ESR1: variants seen among roughly 807,000 people sequenced by gnomAD.
ESR1 encodes estrogen receptor.
A neutral mutation model predicts 52.7 loss-of-function variants in ESR1; 12 were observed. That is an observed-to-expected ratio of 0.23 (90% CI 0.15 to 0.37). ESR1 has a LOEUF of 0.37. Ranked by LOEUF, ESR1 falls within the 10% of genes least tolerant of loss-of-function variation. The pLI is 1.00. For synonymous variants in ESR1, 305 were observed against 316.8 expected (o/e 0.96, Z 0.39); for missense variants, 584 against 779.7 (o/e 0.75, Z 2.99).
intron 2 of ESR1, among the ~76,000 whole-genome samples, chr6:151,863,576 A>T (rs1054248762): frequency 6.6e-6 from 1 of 152,176 alleles, no homozygotes; most frequent in African/African-American, 2.4e-5. Context: ...ATATACAATC[A>T]TGTCATCTGC....
At chr6:151,801,910 AAGAGATCATGGTCCAT>A (rs1442543687), upstream of ESR1, among the ~76,000 whole-genome samples, 10 of 152,202 alleles carry the variant, frequency 6.6e-5, no homozygotes, top group Non-Finnish European at 1.3e-4. Context: ...TTCAATCTGT[AAGAGATCATGGTCCAT>A]AGAGATCATA....
intron 2 of ESR1, among the ~76,000 whole-genome samples, chr6:151,759,098 C>T (rs896947098): frequency 6.6e-6 from 1 of 151,336 alleles, no homozygotes. Context: ...AACATGGTGA[C>T]ACTCTGTCTC....
intron 4 of ESR1, chr6:151,983,605 CT>C (rs1306853824): frequency 1.3e-5 from 2 of 152,148 alleles, no homozygotes; most frequent in Non-Finnish European, 2.9e-5. Context: ...GGAAAAAAAG[CT>C]TTTTTAAAAA....
Position 152,094,584 on chromosome 6 carries a change from G to A in ESR1, c.1553+16G>A, listed in dbSNP as rs2050462896. On this transcript the variant is annotated intron_variant, in intron 7 of 7. Transcript: ENST00000206249. This position sits in a 1 kb window ranked among gnomAD's most constrained non-coding sequence, Gnocchi z 4.6. ...GGCACATGAGGTGAGGCATCTGTGG[G>A]CTTCCTACAGGAGAGACATAAAGAA... The A allele has an allele frequency of 6.2e-7, 1 of 1,612,036 alleles. No individual in the cohort carries two copies. Among genetic ancestry groups the A allele is most frequent in the Admixed American group, 1.7e-5 (1 of 59,982 alleles).
At chr6:151,970,957 T>C (rs1378036232) in intron 4 of ESR1, among the ~76,000 whole-genome samples, 1 of 152,218 alleles carries the variant, frequency 6.6e-6, no homozygotes, top group African/African-American at 2.4e-5. Context: ...TTTGTATCTT[T>C]ACTCTGTTAT....
intron 2 of ESR1, among the ~76,000 whole-genome samples, chr6:151,783,987 C>G (rs949287810): frequency 1.3e-5 from 2 of 152,200 alleles, no homozygotes; most frequent in African/African-American, 4.8e-5. Flanking sequence ...AGGAAGACCA[C>G]AGAAATGAAA....
chr6:151,700,838 CTGTTATACAACATTTT>C (rs1014870843), intron 1 of ESR1, among the ~76,000 whole-genome samples: 4 of 152,014 alleles, frequency 2.6e-5, no homozygotes, highest in African/African-American at 7.2e-5. Context: ...ACATTTAAAG[CTGTTATACAACATTTT>C]AAAAACAAAC....
intron 3 of ESR1, among the ~76,000 whole-genome samples, chr6:151,938,568 G>A (rs998990138): frequency 6.6e-6 from 1 of 152,082 alleles, no homozygotes; most frequent in African/African-American, 2.4e-5. Context: ...TTTCCACCTA[G>A]CTTCCAAGTC....
At chr6:151,813,881 T>G (rs2128172472) in intron 1 of ESR1, among the ~76,000 whole-genome samples, 1 of 152,332 alleles carries the variant, frequency 6.6e-6, no homozygotes, top group South Asian at 2.1e-4. Flanking sequence ...AATGAGCCCT[T>G]GAAAAGCTCA....
At chr6:151,992,463 A>T (rs1245849258) in intron 4 of ESR1, among the ~76,000 whole-genome samples, 1 of 152,088 alleles carries the variant, frequency 6.6e-6, no homozygotes, top group Non-Finnish European at 1.5e-5. Context: ...AGGTTCTTTT[A>T]TGTTTTCTTA....
rs149643759 is a variant in ESR1, at chr6:152,034,936, T to C, written c.1235+23142T>C. On this transcript the variant is annotated intron_variant, in intron 5 of 7. Coordinates refer to ENST00000206249, the MANE Select transcript of ESR1 (RefSeq NM_000125.4). ...CAATGTGTTTTGATTTTTGGAGTGA[T>C]AGATGTTTGCTAACTACGCACGTGA... Among the ~76,000 whole-genome samples, 130 of 152,360 alleles carry C rather than the reference T, an allele frequency of 8.5e-4. 1 individual carries two copies. The highest frequency in any genetic ancestry group is 2.8e-3 in the African/African-American group (115 of 41,592).
intron 6 of ESR1, among the ~76,000 whole-genome samples, chr6:152,119,141 C>T (rs888828358): frequency 1.3e-5 from 2 of 152,150 alleles, no homozygotes; most frequent in African/African-American, 4.8e-5. Context: ...CTTTGCTTTA[C>T]GATCTTTTAT....
intron 3 of ESR1, among the ~76,000 whole-genome samples, chr6:151,939,818 G>A (rs1351749382): frequency 6.6e-6 from 1 of 151,500 alleles, no homozygotes; most frequent in Non-Finnish European, 1.5e-5. Context: ...CCTACATAAT[G>A]GATTAAATTC....
At chr6:151,772,449 A>G (rs1418985930) in intron 2 of ESR1, among the ~76,000 whole-genome samples, 2 of 152,226 alleles carry the variant, frequency 1.3e-5, no homozygotes, top group African/African-American at 4.8e-5. Context: ...GGGTATGTCC[A>G]AAAGAAGGGA....
At chr6:152,028,379 G>A (rs1471200943) in intron 5 of ESR1, among the ~76,000 whole-genome samples, 4 of 152,180 alleles carry the variant, frequency 2.6e-5, no homozygotes, top group African/African-American at 9.7e-5. Flanking sequence ...AGGGGTCAGG[G>A]AATTCCCTTT....
chr6:151,783,146 G>A lies in ESR1; in HGVS notation c.-70-24697G>A, dbSNP rs182973571. On this transcript the variant is annotated intron_variant, in intron 2 of 2. Transcript: ENST00000404742. Reference sequence around the variant, plus strand: ...ATGACTGTCACAGTGACTTGTGCTCGGTTGAGGAGCAAGTGGTGGCTGAAA... The same window carrying A: ...ATGACTGTCACAGTGACTTGTGCTCAGTTGAGGAGCAAGTGGTGGCTGAAA... Among the ~76,000 whole-genome samples, 792 of 152,326 alleles carry A rather than the reference G, an allele frequency of 5.2e-3. 6 individuals are homozygous for A. The highest frequency in any genetic ancestry group is 0.018 in the African/African-American group (755 of 41,574).
At chr6:151,978,178 A>G (rs150751827) in intron 4 of ESR1, among the ~76,000 whole-genome samples, 18 of 152,148 alleles carry the variant, frequency 1.2e-4, no homozygotes, top group African/African-American at 4.1e-4. Flanking sequence ...CAGATATGAA[A>G]ATAAAATCCA....
At chr6:151,886,397 A>G (rs1305247719) in intron 3 of ESR1, among the ~76,000 whole-genome samples, 1 of 152,194 alleles carries the variant, frequency 6.6e-6, no homozygotes, top group Non-Finnish European at 1.5e-5. Context: ...CACATTAAGA[A>G]GAAATTTGAG....
intron 2 of ESR1, among the ~76,000 whole-genome samples, chr6:151,774,589 GC>G (rs1785795044): frequency 6.6e-6 from 1 of 152,164 alleles, no homozygotes; most frequent in South Asian, 2.1e-4. Flanking sequence ...GGATGTTATT[GC>G]TTTTGTCCAC....
Sources: gnomAD v4.1 joint callset for allele counts (sites outside exome capture counted in the v4.1 genomes callset) on GRCh38, gnomAD v4.1.1 for gene constraint, Gnocchi (gnomAD v3.1) non-coding constraint, MANE v1.5 for transcripts, NCBI Gene and HGNC (gene_info 2026-07-23, HGNC 2026-07-21) for gene names.